TPTE: variants seen among roughly 807,000 people sequenced by gnomAD.
TPTE encodes putative tyrosine-protein phosphatase TPTE.
TPTE carries 59 observed loss-of-function variants against 84.1 expected under a neutral mutation model. That is an observed-to-expected ratio of 0.70 (90% CI 0.57 to 0.87). The LOEUF (loss-of-function observed/expected upper bound fraction) is 0.87, where lower values mean the gene tolerates loss of function less well. Among genes scored for constraint, TPTE ranks in the 40% least tolerant of loss-of-function variants. TPTE has a pLI of 0.00. For synonymous variants in TPTE, 130 were observed against 223.5 expected (o/e 0.58, Z 3.73); for missense variants, 382 against 659.6 (o/e 0.58, Z 4.61).
chr21:10,549,846 C>T lies in TPTE; in HGVS notation c.174-2811C>T, dbSNP rs532807563. On this transcript the variant is annotated intron_variant, in intron 7 of 23. Coordinates refer to ENST00000618007, the MANE Select transcript of TPTE (RefSeq NM_199261.4). ...TAGTTCCAGGAAGATCAAAGAACCCCAAATACATTCAACCCAGACATTATA... is the reference window on the plus strand; with the variant it reads ...TAGTTCCAGGAAGATCAAAGAACCCTAAATACATTCAACCCAGACATTATA... 9.8e-5 allele frequency among the ~76,000 whole-genome samples: 15 copies of T among 152,374 alleles called. No homozygotes were observed. The South Asian group carries it at 2.3e-3, about 23-fold the overall frequency.
chr21:10,582,434 CT>C, intron 17 of TPTE, among the ~76,000 whole-genome samples: 1 of 152,428 alleles, frequency 6.6e-6, no homozygotes, highest in African/African-American at 2.4e-5. Context: ...CTTCTTGGAA[CT>C]TTATTATTAC....
chr21:10,539,704 A>T (rs532265092), intron 4 of TPTE, among the ~76,000 whole-genome samples: 2 of 152,304 alleles, frequency 1.3e-5, no homozygotes, highest in Non-Finnish European at 2.9e-5. Flanking sequence ...GGGTAAGGCA[A>T]TTTACAGGTT....
chr21:10,559,379 A>G, intron 8 of TPTE, 115 bp from the exon 9 acceptor site: 3 of 1,484,576 alleles, frequency 2.0e-6, no homozygotes, highest in Non-Finnish European at 2.7e-6. Flanking sequence ...TTGTTATACA[A>G]CTTCTGAATA....
intron 7 of TPTE, among the ~76,000 whole-genome samples, chr21:10,545,656 AAC>A (rs1157201351): frequency 2.6e-5 from 4 of 152,230 alleles, no homozygotes; most frequent in Admixed American, 1.3e-4. Flanking sequence ...ACACACATAT[AAC>A]ACACATGTAT....
chr21:10,578,123 ATAAGT>A (rs2075196409), intron 15 of TPTE, among the ~76,000 whole-genome samples: 1 of 152,310 alleles, frequency 6.6e-6, no homozygotes, highest in Non-Finnish European at 1.5e-5. Flanking sequence ...TTAAACAAAA[ATAAGT>A]TGAGTTTAGG....
intron 17 of TPTE, among the ~76,000 whole-genome samples, chr21:10,584,879 AGTGTGTGTGTGT>A (rs56198162): frequency 4.4e-4 from 65 of 148,846 alleles, no homozygotes; most frequent in South Asian, 1.1e-3. Flanking sequence ...ATGCTTTACG[AGTGTGTGTGTGT>A]GTGTGTGTGT....
At chr21:10,523,342 C>T (rs1275904757) in intron 1 of TPTE, among the ~76,000 whole-genome samples, 3 of 152,220 alleles carry the variant, frequency 2.0e-5, no homozygotes, top group African/African-American at 7.2e-5. Context: ...GGTACATGTG[C>T]ACAATGTGCA....
chr21:10,537,154 T>C (rs2074280801), intron 3 of TPTE, among the ~76,000 whole-genome samples: 3 of 152,308 alleles, frequency 2.0e-5, no homozygotes, highest in African/African-American at 7.2e-5. Context: ...GATTTGTATA[T>C]AGAAACTGCA....
chr21:10,522,558 T>G (rs2074001743), intron 1 of TPTE, among the ~76,000 whole-genome samples: 1 of 152,428 alleles, frequency 6.6e-6, no homozygotes, highest in African/African-American at 2.4e-5. Context: ...GCATTGTTTC[T>G]TATTGTAGTT....
intron 1 of TPTE, among the ~76,000 whole-genome samples, chr21:10,524,096 G>A (rs1338694364): frequency 1.3e-4 from 20 of 152,416 alleles, no homozygotes; most frequent in South Asian, 4.1e-4. Flanking sequence ...TGGGGTTGCC[G>A]TGGACACAGA....
chr21:10,598,871 G>A (rs957765047), intron 21 of TPTE, among the ~76,000 whole-genome samples: 23 of 152,270 alleles, frequency 1.5e-4, no homozygotes, highest in East Asian at 3.8e-4. Context: ...CCTACTCTGC[G>A]CCCGGCTTTT....
intron 7 of TPTE, among the ~76,000 whole-genome samples, chr21:10,547,900 T>C (rs1324027885): frequency 6.6e-6 from 1 of 152,308 alleles, no homozygotes; most frequent in African/African-American, 2.4e-5. Context: ...GCCAAACCAC[T>C]ACATGCCCTC....
At chr21:10,552,955 T>C (rs1473803697) in intron 8 of TPTE, among the ~76,000 whole-genome samples, 1 of 152,312 alleles carries the variant, frequency 6.6e-6, no homozygotes, top group Admixed American at 6.5e-5. Context: ...GTAAAAAGTA[T>C]TCTTAGAGGA....
intron 8 of TPTE, among the ~76,000 whole-genome samples, chr21:10,553,325 C>T (rs1168141677): frequency 2.6e-5 from 4 of 152,302 alleles, no homozygotes; most frequent in Admixed American, 6.5e-5. Context: ...CTTTCTTGCC[C>T]AGTTGTATAA....
At chr21:10,562,859 A>G (rs1193864834) in intron 10 of TPTE, among the ~76,000 whole-genome samples, 1 of 152,304 alleles carries the variant, frequency 6.6e-6, no homozygotes, top group Non-Finnish European at 1.5e-5. Flanking sequence ...ATGGTAACAG[A>G]ACATCCCAAA....
Position 10,564,271 on chromosome 21 carries a change from A to G in TPTE, c.446+3080A>G, listed in dbSNP as rs560556632. Among the ~76,000 whole-genome samples, 29 of 152,398 alleles carry G rather than the reference A, an allele frequency of 1.9e-4. No individual in the cohort carries two copies. In the East Asian group the frequency reaches 5.2e-3, roughly 27 times the overall value. ...ACTCCCATAATCCCAGCACTTTGGG[A>G]GGCAGAGGCGGGTGGTTTACTGGAG... is the stretch of plus-strand genomic sequence containing the variant. On this transcript the variant is annotated intron_variant, in intron 10 of 23. Transcript: ENST00000618007.
intron 20 of TPTE, among the ~76,000 whole-genome samples, chr21:10,596,525 C>CAT (rs1380442870): frequency 1.8e-4 from 27 of 151,670 alleles, no homozygotes; most frequent in African/African-American, 6.1e-4. Flanking sequence ...CTTTTAGAGG[C>CAT]ATTTTTTTTC....
chr21:10,592,174 C>T, intron 18 of TPTE, 119 bp from the exon 19 acceptor site: 8 of 1,533,980 alleles, frequency 5.2e-6, no homozygotes, highest in Non-Finnish European at 7.1e-6. Flanking sequence ...AAAAAACAAA[C>T]AAACAAACAA....
chr21:10,605,496 G>A lies in TPTE; in HGVS notation c.1600G>A (p.Glu534Lys). The A allele has an allele frequency of 6.2e-7, 1 of 1,614,236 alleles. No individual in the cohort carries two copies. The highest frequency in any genetic ancestry group is 8.5e-7 in the Non-Finnish European group (1 of 1,180,024). The change falls in exon 24 of 24, where the codon GAG (glutamate) becomes AAG (lysine). Residue 534 changes from glutamate (E) to lysine (K), a missense_variant. This residue lies in a region of TPTE where 120 missense variants were observed against 79.1 expected (regional missense o/e 1.52). Transcript: ENST00000618007. ...AATTTATCCATCAGATTTTGCCGTGGAGATACTTTTTGGCGAGAAAATGAC... is the reference window on the plus strand; with the variant it reads ...AATTTATCCATCAGATTTTGCCGTGAAGATACTTTTTGGCGAGAAAATGAC... ...RRIYPSDFAV[E>K]ILFGEKMTSS...
Sources: gnomAD v4.1 joint callset for allele counts (sites outside exome capture counted in the v4.1 genomes callset) on GRCh38, gnomAD v4.1.1 for gene constraint, gnomAD v4.1.1 regional missense constraint, MANE v1.5 for transcripts, NCBI Gene and HGNC (gene_info 2026-07-23, HGNC 2026-07-21) for gene names.